Variants in ADCY9 observed in about 807,000 individuals in gnomAD.
ADCY9 encodes adenylate cyclase type 9.
ADCY9 carries 50 observed loss-of-function variants against 101.5 expected under a neutral mutation model. The ratio of observed to expected loss-of-function variants is 0.49; its 90% CI spans 0.39 to 0.62. ADCY9 has a LOEUF of 0.62. Ranked by LOEUF, ADCY9 falls within the 20% of genes least tolerant of loss-of-function variation. ADCY9 has a pLI of 0.00. For synonymous variants in ADCY9, 905 were observed against 769.3 expected (o/e 1.18, Z -2.92); for missense variants, 1,662 against 1,800.4 (o/e 0.92, Z 1.39).
intron 2 of ADCY9, among the ~76,000 whole-genome samples, chr16:4,076,173 G>T (rs991065983): frequency 2.6e-5 from 4 of 152,178 alleles, no homozygotes; most frequent in Non-Finnish European, 2.9e-5. Flanking sequence ...CCACTGTACT[G>T]CAGCCTGTGC....
intron 2 of ADCY9, among the ~76,000 whole-genome samples, chr16:4,062,779 T>A (rs2141161877): frequency 6.6e-6 from 1 of 152,090 alleles, no homozygotes; most frequent in South Asian, 2.1e-4. Context: ...AATAAAAGGG[T>A]CAACTCATGA....
intron 2 of ADCY9, among the ~76,000 whole-genome samples, chr16:4,072,249 C>T (rs964759828): frequency 3.9e-5 from 6 of 152,210 alleles, no homozygotes; most frequent in African/African-American, 1.4e-4. Flanking sequence ...AGCTGGATTA[C>T]AAGAGTGGAC....
chr16:4,042,117 G>A (rs2056631572), intron 2 of ADCY9, among the ~76,000 whole-genome samples: 1 of 151,886 alleles, frequency 6.6e-6, no homozygotes. Context: ...AGAGACGGGG[G>A]TTTCACCATG....
intron 6 of ADCY9, among the ~76,000 whole-genome samples, chr16:3,988,026 TGCTGGAGGCTGTAAGGAGGG>T (rs1355633275): frequency 1.3e-5 from 2 of 148,754 alleles, no homozygotes; most frequent in Non-Finnish European, 3.0e-5. Flanking sequence ...GTTGGGACTG[TGCTGGAGGCTGTAAGGAGGG>T]GCTGGAGGAG....
chr16:3,989,237 C>T, intron 5 of ADCY9, 141 bp from the exon 6 acceptor site: 1 of 609,254 alleles, frequency 1.6e-6, no homozygotes, highest in East Asian at 2.8e-5. Context: ...GGAACAGACG[C>T]CACTCAGCTG....
chr16:3,970,228 G>A (rs558779206), intron 10 of ADCY9, among the ~76,000 whole-genome samples: 3 of 151,090 alleles, frequency 2.0e-5, no homozygotes, highest in East Asian at 4.0e-4. Flanking sequence ...ACAGGGTCTC[G>A]CCATCTTGCC....
At chr16:4,032,525 T>TC (rs1374853797) in intron 2 of ADCY9, among the ~76,000 whole-genome samples, 3 of 151,148 alleles carry the variant, frequency 2.0e-5, no homozygotes, top group African/African-American at 7.3e-5. Flanking sequence ...TTTTTTTTTT[T>TC]TGAGATGGAG....
At chr16:4,104,112 A>G (rs980481853) in intron 2 of ADCY9, among the ~76,000 whole-genome samples, 1 of 152,220 alleles carries the variant, frequency 6.6e-6, no homozygotes, top group Non-Finnish European at 1.5e-5. Flanking sequence ...GTACGGGCAG[A>G]CCATTCCTGG....
intron 2 of ADCY9, among the ~76,000 whole-genome samples, chr16:4,019,538 A>G (rs983730526): frequency 6.6e-6 from 1 of 152,250 alleles, no homozygotes; most frequent in African/African-American, 2.4e-5. Context: ...GTCCCCGGCC[A>G]TCAACAAACG....
At position 4,067,360 on chromosome 16, in the gene ADCY9, C is replaced by T. The variant is rs184200847; in HGVS notation, c.1693+46390G>A. ...AATACTAATTCTTAAAATCCTCCCT[C>T]TTGCGCTATGCCTGCTTCTGAGTTG... On this transcript the variant is annotated intron_variant, in intron 2 of 10. Coordinates refer to ENST00000294016, the MANE Select transcript of ADCY9 (RefSeq NM_001116.4). Among the ~76,000 whole-genome samples the T allele has an allele frequency of 1.5e-3, 224 of 152,324 alleles. 1 individual carries two copies. The highest frequency in any genetic ancestry group is 5.1e-3 in the African/African-American group (213 of 41,574).
chr16:3,989,144 G>A, intron 5 of ADCY9, 48 bp from the exon 6 acceptor site: 6 of 1,340,250 alleles, frequency 4.5e-6, no homozygotes, highest in Non-Finnish European at 6.4e-6. Flanking sequence ...CACCATAACT[G>A]TGCCAATGTT....
At chr16:4,019,222 T>G (rs1042923192) in intron 2 of ADCY9, among the ~76,000 whole-genome samples, 5 of 151,998 alleles carry the variant, frequency 3.3e-5, no homozygotes, top group African/African-American at 1.2e-4. Context: ...CCTGAAGTGA[T>G]CCTCCGGCCT....
At chr16:4,026,231 C>T (rs750598027) in intron 2 of ADCY9, among the ~76,000 whole-genome samples, 1 of 152,002 alleles carries the variant, frequency 6.6e-6, no homozygotes, top group Non-Finnish European at 1.5e-5. Flanking sequence ...CTGAGACCAG[C>T]GTAGGCAACA....
intron 2 of ADCY9, among the ~76,000 whole-genome samples, chr16:4,095,369 G>C (rs993315712): frequency 6.6e-6 from 1 of 150,718 alleles, no homozygotes; most frequent in East Asian, 2.1e-4. Context: ...GACAACTAGA[G>C]GACTAACACG....
intron 2 of ADCY9, among the ~76,000 whole-genome samples, chr16:4,014,013 C>T (rs1043276361): frequency 3.3e-5 from 5 of 152,092 alleles, no homozygotes; most frequent in African/African-American, 1.2e-4. Flanking sequence ...GAAACTTAAC[C>T]TCTTCTTAAC....
chr16:3,967,391 T>A (rs2601781), intron 10 of ADCY9, among the ~76,000 whole-genome samples: 69,005 of 151,550 alleles, frequency 0.46, 18,540 homozygotes, highest in Non-Finnish European at 0.62. Context: ...AATCTTTTCT[T>A]TTCTCTCTCT....
intron 2 of ADCY9, among the ~76,000 whole-genome samples, chr16:4,059,379 G>C (rs75622914): frequency 3.4e-5 from 4 of 118,470 alleles, no homozygotes; most frequent in African/African-American, 1.3e-4. Flanking sequence ...AGAATCCATC[G>C]AAAAAAAAAA....
intron 5 of ADCY9, 74 bp from the exon 6 acceptor site, chr16:3,989,170 G>C: frequency 2.5e-6 from 3 of 1,176,686 alleles, no homozygotes; most frequent in South Asian, 2.5e-5. Flanking sequence ...ATCATAATTA[G>C]CTACCAAAAC....
chr16:3,983,573 G>A (rs1168160471), intron 6 of ADCY9, 133 bp from the exon 7 acceptor site: 3 of 739,278 alleles, frequency 4.1e-6, no homozygotes, highest in Admixed American at 2.4e-5. Flanking sequence ...AAGGCTCTCG[G>A]AGGGCTGTCT....
Sources: allele counts gnomAD v4.1 joint callset (sites outside exome capture counted in the v4.1 genomes callset), GRCh38; gene constraint gnomAD v4.1.1; transcripts MANE v1.5; gene names NCBI Gene and HGNC (gene_info 2026-07-23, HGNC 2026-07-21).